The following ATP10B variants were observed in gnomAD, a reference collection of about 807,000 sequenced individuals.
The protein encoded by ATP10B is ATPase phospholipid transporting 10B (putative), also known as phospholipid-transporting ATPase VB.
ATP10B carries 122 observed loss-of-function variants against 141.2 expected under a neutral mutation model. That is an observed-to-expected ratio of 0.86 (90% CI 0.75 to 1.00). ATP10B has a LOEUF of 1.00. ATP10B is among the 50% of genes least tolerant of loss of function. ATP10B has a pLI of 0.00. For synonymous variants in ATP10B, 685 were observed against 692.0 expected (o/e 0.99, Z 0.16); for missense variants, 1,876 against 1,825.3 (o/e 1.03, Z -0.51).
chr5:160,820,844 C>T (rs1648533467), intron 1 of ATP10B, among the ~76,000 whole-genome samples: 1 of 152,066 alleles, frequency 6.6e-6, no homozygotes, highest in South Asian at 2.1e-4. Context: ...TTCAACATCC[C>T]TTTATGATAA....
chr5:160,637,307 A>T (rs1029014605), intron 10 of ATP10B, among the ~76,000 whole-genome samples: 3 of 151,632 alleles, frequency 2.0e-5, no homozygotes, highest in Non-Finnish European at 4.4e-5. Context: ...CTACCCACCT[A>T]CTTACCCATC....
At chr5:160,613,012 G>A (rs1238094127) in intron 17 of ATP10B, 87 bp from the exon 18 acceptor site, 2 of 1,310,136 alleles carry the variant, frequency 1.5e-6, no homozygotes, top group Non-Finnish European at 2.1e-6. Context: ...GCCAGGCAAT[G>A]TTTATTGGAT....
intron 6 of ATP10B, among the ~76,000 whole-genome samples, chr5:160,683,587 C>A (rs756399274): frequency 6.6e-6 from 1 of 152,200 alleles, no homozygotes; most frequent in East Asian, 1.9e-4. Flanking sequence ...CGAAGCAAGC[C>A]TCTTTCATTC....
At chr5:160,888,265 G>A in the ATP10B span, among the ~76,000 whole-genome samples, 1 of 152,068 alleles carries the variant, frequency 6.6e-6, no homozygotes, top group Non-Finnish European at 1.5e-5. Context: ...AATGAGCTTT[G>A]GGAAAAGAGT....
the ATP10B span, among the ~76,000 whole-genome samples, chr5:160,863,911 C>G: frequency 6.6e-6 from 1 of 151,972 alleles, no homozygotes; most frequent in Non-Finnish European, 1.5e-5. Context: ...AATAGAAACC[C>G]TGAATGGACC....
chr5:160,757,641 G>A (rs1398800274), intron 2 of ATP10B, among the ~76,000 whole-genome samples: 1 of 152,004 alleles, frequency 6.6e-6, no homozygotes, highest in African/African-American at 2.4e-5. Context: ...TTTTAAAATG[G>A]AATTTTAAAC....
At chr5:160,597,977 T>A (rs2127620488) in intron 22 of ATP10B, among the ~76,000 whole-genome samples, 1 of 145,638 alleles carries the variant, frequency 6.9e-6, no homozygotes, top group East Asian at 2.0e-4. Context: ...ATTGTGGAAG[T>A]CAGTGTGGGG....
chr5:160,589,763 G>T, intron 23 of ATP10B, 67 bp from the exon 24 acceptor site: 1 of 1,185,280 alleles, frequency 8.4e-7, no homozygotes, highest in Non-Finnish European at 1.3e-6. Flanking sequence ...TTGACACAGT[G>T]ATTATAAAGC....
the ATP10B span, among the ~76,000 whole-genome samples, chr5:160,916,573 T>G: frequency 1.3e-5 from 2 of 152,218 alleles, no homozygotes; most frequent in African/African-American, 4.8e-5. Flanking sequence ...TCGCACATGT[T>G]TAACTCCTTT....
chr5:160,850,201 T>A (rs1561923251), intron 1 of ATP10B, among the ~76,000 whole-genome samples: 1 of 151,804 alleles, frequency 6.6e-6, no homozygotes, highest in Non-Finnish European at 1.5e-5. Context: ...AGGTCAGGAG[T>A]TCGAGACCAG....
At position 160,799,806 on chromosome 5, in the gene ATP10B, G is replaced by A. The variant is rs572692100; in HGVS notation, c.-575-14003C>T. On this transcript the variant is annotated intron_variant, in intron 1 of 25. Transcript: ENST00000327245. Reference sequence around the variant, plus strand: ...CCTGGCAGCATTTAGAGTTCTCAGCGTATTAGAGTTCTGGAGAAAATAATT... The same window carrying A: ...CCTGGCAGCATTTAGAGTTCTCAGCATATTAGAGTTCTGGAGAAAATAATT... Among the ~76,000 whole-genome samples, 106 of 152,242 alleles carry A rather than the reference G, an allele frequency of 7.0e-4. 1 individual carries two copies. In the Middle Eastern group the frequency reaches 0.01, roughly 15 times the overall value.
Position 160,689,134 on chromosome 5 carries a change from A to T in ATP10B, c.-204-191T>A, listed in dbSNP as rs541300893. 1.2e-4 allele frequency among the ~76,000 whole-genome samples: 19 copies of T among 152,372 alleles called. No homozygotes were observed. In the South Asian group the frequency reaches 3.5e-3, roughly 28 times the overall value. On this transcript the variant is annotated intron_variant, in intron 3 of 25. Transcript: ENST00000327245. ...CAGACACCATGACAAAAACCATATG[A>T]TTACCTCAATAGATGCAGAAAAGGC...
intron 3 of ATP10B, among the ~76,000 whole-genome samples, chr5:160,699,715 G>T (rs1472153180): frequency 6.6e-6 from 1 of 152,094 alleles, no homozygotes; most frequent in Admixed American, 6.6e-5. Flanking sequence ...AGCATTTGGG[G>T]TAAAAGGCAA....
chr5:160,853,604 T>A (rs953337337), upstream of ATP10B, among the ~76,000 whole-genome samples: 1 of 152,182 alleles, frequency 6.6e-6, no homozygotes, highest in African/African-American at 2.4e-5. Flanking sequence ...TAGGAACAAA[T>A]GTGTCTGTAG....
At chr5:160,870,014 G>A in the ATP10B span, among the ~76,000 whole-genome samples, 1 of 152,212 alleles carries the variant, frequency 6.6e-6, no homozygotes, top group African/African-American at 2.4e-5. Context: ...GCCCTCAGAG[G>A]AGGTTAGCCA....
At chr5:160,775,515 CAT>C (rs1001297309) in intron 2 of ATP10B, among the ~76,000 whole-genome samples, 12 of 152,074 alleles carry the variant, frequency 7.9e-5, no homozygotes, top group Non-Finnish European at 2.9e-5. Context: ...ACAGCACTGA[CAT>C]AACTTTTTGT....
At chr5:160,642,335 C>T (rs1759931859) in intron 9 of ATP10B, among the ~76,000 whole-genome samples, 1 of 152,210 alleles carries the variant, frequency 6.6e-6, no homozygotes. Flanking sequence ...GGAGCACACA[C>T]CTCTACATTG....
the ATP10B span, among the ~76,000 whole-genome samples, chr5:160,880,681 A>T: frequency 6.6e-6 from 1 of 152,210 alleles, no homozygotes; most frequent in Non-Finnish European, 1.5e-5. Flanking sequence ...GAGCAAATAT[A>T]ATACAATGGA....
the ATP10B span, among the ~76,000 whole-genome samples, chr5:160,871,414 G>C: frequency 2.6e-5 from 4 of 152,078 alleles, no homozygotes; most frequent in East Asian, 7.7e-4. Flanking sequence ...GTGGTATTTG[G>C]TTACATAAGT....
Sources: allele counts gnomAD v4.1 joint callset (sites outside exome capture counted in the v4.1 genomes callset), GRCh38; gene constraint gnomAD v4.1.1; transcripts MANE v1.5; gene names NCBI Gene and HGNC (gene_info 2026-07-23, HGNC 2026-07-21).